ROBO2: variants seen among roughly 807,000 people sequenced by gnomAD.
ROBO2 encodes the protein roundabout homolog 2.
ROBO2 carries 53 observed loss-of-function variants against 160.8 expected under a neutral mutation model. That is an observed-to-expected ratio of 0.33 (90% CI 0.26 to 0.41). ROBO2 has a LOEUF of 0.41. Ranked by LOEUF, ROBO2 falls within the 10% of genes least tolerant of loss-of-function variation. ROBO2 has a pLI of 1.00. For missense variants in ROBO2, 1,577 were observed against 1,722.4 expected, an observed-to-expected ratio of 0.92 and a Z score of 1.49; for synonymous variants, 664 against 611.7, an observed-to-expected ratio of 1.09 and a Z score of -1.26.
chr3:77,410,555 T>TTCCTCC (rs1308434163), intron 2 of ROBO2, among the ~76,000 whole-genome samples: 1,735 of 41,080 alleles, frequency 0.042, 28 homozygotes, highest in African/African-American at 0.066. Flanking sequence ...CCTCCTCTTC[T>TTCCTCC]TCCTCCTCTT....
intron 2 of ROBO2, among the ~76,000 whole-genome samples, chr3:76,912,850 A>C (rs988409168): frequency 1.3e-5 from 2 of 152,304 alleles, no homozygotes; most frequent in South Asian, 2.1e-4. Context: ...ATTAATGACG[A>C]ATTACTACGT....
intron 2 of ROBO2, among the ~76,000 whole-genome samples, chr3:76,439,605 TAAAAC>T (rs1187775499): frequency 6.6e-6 from 1 of 152,042 alleles, no homozygotes; most frequent in African/African-American, 2.4e-5. Context: ...AAAAACAAAA[TAAAAC>T]AAAACAACTG....
rs555823516 is a variant in ROBO2 at position 76,312,654 on chromosome 3, G to A, written c.109+375052G>A. ...TTGCAAACTGCAAGCAGTTATTTAT[G>A]TTAGCCTGCATGCTGGCCTTTAGTA... On this transcript the variant is annotated intron_variant, in intron 2 of 26. Coordinates refer to the ROBO2 transcript ENST00000487694. Among the ~76,000 whole-genome samples, 8 of 152,294 alleles carry A rather than the reference G, an allele frequency of 5.3e-5. No individual in the cohort carries two copies. The East Asian group carries it at 1.4e-3, about 26-fold the overall frequency.
At chr3:76,383,723 A>G (rs897047171) in intron 2 of ROBO2, among the ~76,000 whole-genome samples, 1 of 152,226 alleles carries the variant, frequency 6.6e-6, no homozygotes, top group Non-Finnish European at 1.5e-5. Flanking sequence ...TCATAATGAA[A>G]AAAAAACAAA....
At chr3:77,460,304 G>A (rs906468715) in intron 2 of ROBO2, among the ~76,000 whole-genome samples, 5 of 152,200 alleles carry the variant, frequency 3.3e-5, no homozygotes, top group East Asian at 1.9e-4. Context: ...GGAAGATTGC[G>A]GAAATAAAGA....
chr3:77,121,298 A>C (rs560616624), intron 2 of ROBO2, among the ~76,000 whole-genome samples: 10 of 152,074 alleles, frequency 6.6e-5, no homozygotes, highest in East Asian at 1.9e-4. Context: ...ATTCTTTTAA[A>C]ATTCTTTCAT....
chr3:77,446,452 C>T (rs995746955), intron 2 of ROBO2, among the ~76,000 whole-genome samples: 6 of 152,098 alleles, frequency 3.9e-5, no homozygotes, highest in African/African-American at 1.2e-4. Context: ...ATTAATTTCT[C>T]ATTGCACCCA....
intron 2 of ROBO2, among the ~76,000 whole-genome samples, chr3:76,650,926 A>G (rs2091227715): frequency 6.6e-6 from 1 of 152,174 alleles, no homozygotes; most frequent in Non-Finnish European, 1.5e-5. Context: ...TTGATCATAA[A>G]TTTAACTGTT....
At chr3:77,634,489 C>A in intron 23 of ROBO2, 1 of 264,790 alleles carries the variant, frequency 3.8e-6, no homozygotes, top group Non-Finnish European at 7.5e-6. Flanking sequence ...GTATATACTT[C>A]ATAAATAGCT....
At chr3:77,215,877 G>A (rs927220172) in intron 2 of ROBO2, among the ~76,000 whole-genome samples, 6 of 152,154 alleles carry the variant, frequency 3.9e-5, no homozygotes, top group South Asian at 2.1e-4. Flanking sequence ...TATCAGCAGC[G>A]GAGGCTGCAG....
chr3:75,972,285 G>A (rs1191181085), intron 2 of ROBO2, among the ~76,000 whole-genome samples: 2 of 151,660 alleles, frequency 1.3e-5, no homozygotes, highest in African/African-American at 4.8e-5. Flanking sequence ...TAGTATACTT[G>A]ATTGTTATGG....
intron 2 of ROBO2, among the ~76,000 whole-genome samples, chr3:77,117,297 G>A (rs1189376050): frequency 1.3e-5 from 2 of 152,074 alleles, no homozygotes; most frequent in African/African-American, 4.8e-5. Context: ...TAAAATAATG[G>A]TTTTAAATGT....
At chr3:77,435,576 G>A (rs1332792502) in intron 2 of ROBO2, among the ~76,000 whole-genome samples, 1 of 151,824 alleles carries the variant, frequency 6.6e-6, no homozygotes, top group Non-Finnish European at 1.5e-5. Flanking sequence ...CCTGAAGACA[G>A]ATACTAATTG....
chr3:76,910,270 T>TA lies in ROBO2; in HGVS notation c.110-187736dup, dbSNP rs953215306. On this transcript the variant is annotated intron_variant, in intron 2 of 26. Transcript: ENST00000487694. The stretch of plus-strand genomic sequence containing the variant: ...CTACTACAAAAACTTTTACTGAATA[T>TA]AAAAAAAACTAATACATCCTCAACA... Among the ~76,000 whole-genome samples, 6 of 152,042 alleles carry TA rather than the reference T, an allele frequency of 3.9e-5. No individual in the cohort carries two copies. In the East Asian group the frequency reaches 9.6e-4, roughly 24 times the overall value.
rs368680919 is a variant in ROBO2 at position 76,533,328 on chromosome 3, A to G, written c.110-564686A>G. On this transcript the variant is annotated intron_variant, in intron 2 of 26. Transcript: ENST00000487694. Reference sequence around the variant, plus strand: ...TGTGAAGACAACTTCCCTGCTCAGCATACCTGTGCCATTTGGAATAATAGG... The same window carrying G: ...TGTGAAGACAACTTCCCTGCTCAGCGTACCTGTGCCATTTGGAATAATAGG... 2.8e-4 allele frequency among the ~76,000 whole-genome samples: 42 copies of G among 152,322 alleles called. 2 individuals are homozygous for G. The highest frequency in any genetic ancestry group is 2.7e-3 in the South Asian group (13 of 4,822).
At chr3:76,936,055 TG>T (rs1439608968) in intron 2 of ROBO2, among the ~76,000 whole-genome samples, 2 of 152,186 alleles carry the variant, frequency 1.3e-5, no homozygotes, top group Non-Finnish European at 1.5e-5. Context: ...ATGAAGAGAC[TG>T]GGGTAATGCA....
In ROBO2 at chr3:76,603,348, A is replaced by T. The variant is rs1560218884; in HGVS notation, c.110-494666A>T. Among the ~76,000 whole-genome samples, 149 of 60,934 alleles carry T rather than the reference A, an allele frequency of 2.4e-3. 1 individual carries two copies. The highest frequency in any genetic ancestry group is 9.9e-3 in the African/African-American group (147 of 14,888). The allele number at this position is 60,934 out of a possible 152,430, so 40.0% of individuals were successfully genotyped here. Reference sequence around the variant, plus strand: ...CTCCATCTCCAAAAAAAAAAAAAAAAAAAATATATATATATATATATATAT... The same window carrying T: ...CTCCATCTCCAAAAAAAAAAAAAAATAAAATATATATATATATATATATAT... On this transcript the variant is annotated intron_variant, in intron 2 of 26. Coordinates refer to the ROBO2 transcript ENST00000487694.
At chr3:76,491,163 T>A (rs549846905) in intron 2 of ROBO2, among the ~76,000 whole-genome samples, 1 of 152,096 alleles carries the variant, frequency 6.6e-6, no homozygotes, top group Non-Finnish European at 1.5e-5. Context: ...TTTCACCATG[T>A]TGGCCAGGCT....
chr3:76,296,441 G>C (rs1488392414), intron 2 of ROBO2, among the ~76,000 whole-genome samples: 9 of 152,184 alleles, frequency 5.9e-5, no homozygotes, highest in Non-Finnish European at 1.3e-4. Flanking sequence ...CTTTCTCCAT[G>C]AGTACAGATG....
Sources: gnomAD v4.1 joint callset for allele counts (sites outside exome capture counted in the v4.1 genomes callset) on GRCh38, gnomAD v4.1.1 for gene constraint, MANE v1.5 for transcripts, NCBI Gene and HGNC (gene_info 2026-07-23, HGNC 2026-07-21) for gene names.